The following PIK3CB variants were observed in gnomAD, a reference collection of about 807,000 sequenced individuals.
PIK3CB encodes the protein phosphatidylinositol 4,5-bisphosphate 3-kinase catalytic subunit beta isoform.
A neutral mutation model predicts 136.8 loss-of-function variants in PIK3CB; 39 were observed. The observed-to-expected ratio is 0.29, with a 90% CI of 0.22 to 0.37. The LOEUF (loss-of-function observed/expected upper bound fraction) is 0.37, where lower values mean the gene tolerates loss of function less well. Ranked by LOEUF, PIK3CB falls within the 10% of genes least tolerant of loss-of-function variation. PIK3CB has a pLI of 1.00. For missense variants in PIK3CB, 868 were observed against 1,275.4 expected (o/e 0.68, Z 4.87); for synonymous variants, 428 against 436.6 (o/e 0.98, Z 0.25).
At chr3:138,698,286 C>T (rs890786007) in intron 13 of PIK3CB, among the ~76,000 whole-genome samples, 7 of 152,068 alleles carry the variant, frequency 4.6e-5, no homozygotes, top group African/African-American at 1.7e-4. Context: ...TTAAAAAACC[C>T]ATTTCAAAGG....
chr3:138,721,612 G>T (rs1399610074), intron 8 of PIK3CB, among the ~76,000 whole-genome samples: 2 of 152,176 alleles, frequency 1.3e-5, no homozygotes, highest in Non-Finnish European at 2.9e-5. Context: ...ATAAAAATAT[G>T]CATACAGAAT....
intron 1 of PIK3CB, among the ~76,000 whole-genome samples, chr3:138,820,939 C>A (rs1458513496): frequency 6.6e-6 from 1 of 152,160 alleles, no homozygotes; most frequent in Non-Finnish European, 1.5e-5. Context: ...ATAGCCTTCA[C>A]CATACATGAT....
At chr3:138,665,729 G>A (rs756799860) in intron 19 of PIK3CB, among the ~76,000 whole-genome samples, 3 of 151,406 alleles carry the variant, frequency 2.0e-5, no homozygotes, top group South Asian at 2.1e-4. Context: ...CCACCACGCC[G>A]GGCTAATTTT....
Position 138,788,304 on chromosome 3 carries a change from G to A in PIK3CB, c.-17+8159C>T, listed in dbSNP as rs910347649. Among the ~76,000 whole-genome samples, 30 of 152,244 alleles carry A rather than the reference G, an allele frequency of 2.0e-4. No homozygotes were observed. The East Asian group carries it at 2.9e-3, about 15-fold the overall frequency. On this transcript the variant is annotated intron_variant, in intron 2 of 23. Transcript: ENST00000674063. ...ACTTCTAAAACTACCAGAAAACAGT[G>A]TATGATAAACATTCTTTTAAGGAAA...
rs1178079691 is a variant in PIK3CB at position 138,718,213 on chromosome 3, T to C, written c.1051-3494A>G. Among the ~76,000 whole-genome samples, 3 of 152,220 alleles carry C rather than the reference T, an allele frequency of 2.0e-5. No individual in the cohort carries two copies. In the East Asian group the frequency reaches 5.8e-4, roughly 29 times the overall value. ...CTCTTATTTTTTGACTTTTTAACAA[T>C]AGCCATTGCGACTGGTGTGAGATGG... On this transcript the variant is annotated intron_variant, in intron 8 of 23. Transcript: ENST00000674063.
intron 8 of PIK3CB, among the ~76,000 whole-genome samples, chr3:138,732,630 TA>T (rs1428772909): frequency 5.3e-5 from 8 of 150,596 alleles, no homozygotes; most frequent in African/African-American, 1.9e-4. Flanking sequence ...CCCCATGTGT[TA>T]ACAACTTGTG....
In PIK3CB at chr3:138,826,146, G is replaced by T. The variant is rs1332588132; in HGVS notation, c.-122+8549C>A. On this transcript the variant is annotated intron_variant, in intron 1 of 23. Transcript: ENST00000674063. ...CTTGAAGTCTGGTGGTGCTGCCATA[G>T]TTGATATGGTTCCTGACAAGCCGAT... 9 of 1,018,496 alleles carry T rather than the reference G, an allele frequency of 8.8e-6. No homozygotes were observed. The East Asian group carries it at 2.3e-4, about 26-fold the overall frequency. The allele number at this position is 1,018,496 out of a possible 1,614,324, so 63.1% of individuals were successfully genotyped here.
chr3:138,655,391 A>C lies in PIK3CB; in HGVS notation c.3211T>G (p.Ter1071GluextTer32), dbSNP rs754106793. ...AHTVRKDYRS[*>E] ...ACATTAGGAGCGAAGGCTGATCGTT[A>C]AGATCTGTAGTCTTTCCGAACTGTG... is the stretch of plus-strand genomic sequence containing the variant. The change falls in exon 24 of 24, where the codon TAA becomes GAA. Residue 1071 changes from the stop codon to glutamate (E), a stop_lost. Coordinates refer to ENST00000674063, the MANE Select transcript of PIK3CB (RefSeq NM_006219.3). 1 of 1,613,856 alleles carries C rather than the reference A, an allele frequency of 6.2e-7. No individual in the cohort carries two copies. Among genetic ancestry groups the C allele is most frequent in the Non-Finnish European group, 8.5e-7 (1 of 1,179,932 alleles).
intron 21 of PIK3CB, among the ~76,000 whole-genome samples, chr3:138,661,774 A>C (rs997219078): frequency 8.5e-5 from 13 of 152,348 alleles, no homozygotes; most frequent in Middle Eastern, 3.4e-3. Context: ...CCCTCATAGA[A>C]CCAAAGTTCA....
chr3:138,716,892 T>TC (rs1215737350), intron 8 of PIK3CB, among the ~76,000 whole-genome samples: 3 of 26,104 alleles, frequency 1.1e-4, no homozygotes, highest in African/African-American at 5.3e-4. Context: ...AGATTGTGTC[T>TC]CAAAAAAAAA....
At chr3:138,760,535 T>C (rs895111140) in intron 2 of PIK3CB, among the ~76,000 whole-genome samples, 4 of 152,250 alleles carry the variant, frequency 2.6e-5, no homozygotes, top group Middle Eastern at 3.4e-3. Flanking sequence ...ACAATAATAA[T>C]TGGAAGAACA....
At chr3:138,747,412 TG>T (rs772971222) in intron 4 of PIK3CB, among the ~76,000 whole-genome samples, 4 of 152,052 alleles carry the variant, frequency 2.6e-5, no homozygotes, top group Non-Finnish European at 4.4e-5. Flanking sequence ...CAAGTGGAGA[TG>T]ATTAGAGTCA....
At chr3:138,806,608 T>A (rs1370577628) in intron 1 of PIK3CB, among the ~76,000 whole-genome samples, 1 of 152,334 alleles carries the variant, frequency 6.6e-6, no homozygotes, top group Non-Finnish European at 1.5e-5. Context: ...GAGGAAGCTC[T>A]GAACCTCAAA....
intron 3 of PIK3CB, among the ~76,000 whole-genome samples, chr3:138,757,478 A>AACACACACACACAC (rs146470519): frequency 1.5e-5 from 2 of 136,434 alleles, no homozygotes; most frequent in African/African-American, 5.6e-5. Flanking sequence ...GATACTATTA[A>AACACACACACACAC]ACACACACAC....
At chr3:138,702,796 C>T (rs1457011645) in intron 12 of PIK3CB, among the ~76,000 whole-genome samples, 1 of 152,110 alleles carries the variant, frequency 6.6e-6, no homozygotes, top group Non-Finnish European at 1.5e-5. Flanking sequence ...ACACTAGTCT[C>T]TGAGATTGCT....
chr3:138,730,340 T>C (rs1157311146), intron 8 of PIK3CB, among the ~76,000 whole-genome samples: 1 of 152,130 alleles, frequency 6.6e-6, no homozygotes, highest in Non-Finnish European at 1.5e-5. Flanking sequence ...TAACGCATAA[T>C]GCTTGAGAAA....
At chr3:138,662,308 G>C (rs1264235724) in intron 21 of PIK3CB, among the ~76,000 whole-genome samples, 6 of 127,446 alleles carry the variant, frequency 4.7e-5, no homozygotes, top group African/African-American at 1.9e-4. Flanking sequence ...TCCCCTTCCT[G>C]TGTCCATGTG....
At chr3:138,799,886 C>A (rs2046153012) in intron 1 of PIK3CB, among the ~76,000 whole-genome samples, 1 of 151,988 alleles carries the variant, frequency 6.6e-6, no homozygotes, top group African/African-American at 2.4e-5. Flanking sequence ...GCCATGTTGC[C>A]CAGGCTGGTC....
intron 8 of PIK3CB, 102 bp from the exon 9 acceptor site, chr3:138,714,821 T>C: frequency 2.7e-6 from 3 of 1,097,436 alleles, no homozygotes; most frequent in Non-Finnish European, 2.6e-6. Context: ...AAAACATCTT[T>C]ATTTTGGAGA....
Sources: gnomAD v4.1 joint callset for allele counts (sites outside exome capture counted in the v4.1 genomes callset) on GRCh38, gnomAD v4.1.1 for gene constraint, MANE v1.5 for transcripts, NCBI Gene and HGNC (gene_info 2026-07-23, HGNC 2026-07-21) for gene names.